PDZRN3: variants seen among roughly 807,000 people sequenced by gnomAD.
PDZRN3 encodes the protein PDZ domain containing ring finger 3, also known as E3 ubiquitin-protein ligase PDZRN3.
In PDZRN3, 38 loss-of-function variants were observed where a neutral mutation model predicts 85.7. The observed-to-expected ratio is 0.44, with a 90% CI of 0.34 to 0.58. PDZRN3 has a LOEUF of 0.58. PDZRN3 is among the 20% of genes least tolerant of loss of function. The pLI is 0.01. For missense variants in PDZRN3, 1,629 were observed against 1,506.4 expected (o/e 1.08, Z -1.35); for synonymous variants, 759 against 638.0 (o/e 1.19, Z -2.86).
intron 3 of PDZRN3, among the ~76,000 whole-genome samples, chr3:73,435,872 T>G (rs923441598): frequency 1.3e-5 from 2 of 152,314 alleles, no homozygotes; most frequent in Admixed American, 1.3e-4. Flanking sequence ...ACTCTTGGAT[T>G]GAAACCCAAA....
intron 3 of PDZRN3, among the ~76,000 whole-genome samples, chr3:73,430,137 T>C (rs1702401900): frequency 6.6e-6 from 1 of 152,234 alleles, no homozygotes; most frequent in African/African-American, 2.4e-5. Flanking sequence ...ATAATTCCTT[T>C]GTATGTCAGT....
intron 3 of PDZRN3, among the ~76,000 whole-genome samples, chr3:73,480,325 T>C (rs1307196951): frequency 6.6e-6 from 1 of 152,108 alleles, no homozygotes; most frequent in African/African-American, 2.4e-5. Flanking sequence ...TTTTAACACC[T>C]CCCTTGACCC....
chr3:73,464,727 T>C (rs1052879048), intron 3 of PDZRN3, among the ~76,000 whole-genome samples: 1 of 152,222 alleles, frequency 6.6e-6, no homozygotes, highest in African/African-American at 2.4e-5. Flanking sequence ...ACCTAGATTC[T>C]GCTCTAAATT....
At chr3:73,446,773 C>A (rs762053088) in intron 3 of PDZRN3, among the ~76,000 whole-genome samples, 2 of 151,944 alleles carry the variant, frequency 1.3e-5, no homozygotes, top group Admixed American at 6.6e-5. Flanking sequence ...CACAGAATGG[C>A]GAATTGAGGA....
At chr3:73,575,665 T>G (rs1353543990) in intron 3 of PDZRN3, among the ~76,000 whole-genome samples, 1 of 152,206 alleles carries the variant, frequency 6.6e-6, no homozygotes, top group Admixed American at 6.5e-5. Context: ...AGAAAGAACC[T>G]GCATTGTGTT....
At chr3:73,547,084 C>T (rs1575727068) in intron 3 of PDZRN3, among the ~76,000 whole-genome samples, 1 of 152,142 alleles carries the variant, frequency 6.6e-6, no homozygotes, top group Non-Finnish European at 1.5e-5. Context: ...ATTCCTTCCA[C>T]CCCACTCACG....
intron 3 of PDZRN3, among the ~76,000 whole-genome samples, chr3:73,571,666 G>A (rs1036284550): frequency 1.3e-5 from 2 of 152,176 alleles, no homozygotes; most frequent in African/African-American, 2.4e-5. Flanking sequence ...AGCTGCCGGG[G>A]TGAGAGTCCT....
intron 9 of PDZRN3, among the ~76,000 whole-genome samples, chr3:73,385,164 A>AT: frequency 6.6e-6 from 1 of 152,226 alleles, no homozygotes; most frequent in South Asian, 2.1e-4. Context: ...AAATGAGGAT[A>AT]ATAGTCACTT....
chr3:73,403,646 T>A (rs1559659443), intron 4 of PDZRN3, among the ~76,000 whole-genome samples: 1 of 152,180 alleles, frequency 6.6e-6, no homozygotes, highest in Non-Finnish European at 1.5e-5. Context: ...CCATGTGGCG[T>A]GCTGAGTTGC....
intron 8 of PDZRN3, among the ~76,000 whole-genome samples, chr3:73,386,901 T>A (rs1701406329): frequency 6.6e-6 from 1 of 152,204 alleles, no homozygotes; most frequent in South Asian, 2.1e-4. Context: ...GGTTTGGCTG[T>A]CCCCACCCAA....
At chr3:73,503,188 G>C (rs770569351) in intron 3 of PDZRN3, among the ~76,000 whole-genome samples, 5 of 152,164 alleles carry the variant, frequency 3.3e-5, no homozygotes, top group Non-Finnish European at 7.4e-5. Flanking sequence ...AATTAAACTA[G>C]TTTTAGATAC....
intron 3 of PDZRN3, among the ~76,000 whole-genome samples, chr3:73,546,040 T>G (rs1701415658): frequency 6.6e-6 from 1 of 152,198 alleles, no homozygotes; most frequent in African/African-American, 2.4e-5. Flanking sequence ...AGGGGCCTCC[T>G]GTGTCTTGGA....
At chr3:73,546,351 A>G (rs895635688) in intron 3 of PDZRN3, among the ~76,000 whole-genome samples, 6 of 152,246 alleles carry the variant, frequency 3.9e-5, no homozygotes, top group Non-Finnish European at 8.8e-5. Flanking sequence ...TCACCACCAC[A>G]TTGCATCAAA....
chr3:73,404,972 T>C (rs1042703280), intron 3 of PDZRN3, among the ~76,000 whole-genome samples: 1 of 152,232 alleles, frequency 6.6e-6, no homozygotes, highest in Admixed American at 6.5e-5. Context: ...AAGTGACCGC[T>C]GGCTTAATTG....
intron 3 of PDZRN3, among the ~76,000 whole-genome samples, chr3:73,467,023 C>A (rs1311828535): frequency 6.6e-6 from 1 of 152,134 alleles, no homozygotes; most frequent in Non-Finnish European, 1.5e-5. Flanking sequence ...TGCTAAGATA[C>A]CCCCAGTTTA....
chr3:73,491,868 T>G (rs1017205274), intron 3 of PDZRN3, among the ~76,000 whole-genome samples: 1 of 152,048 alleles, frequency 6.6e-6, no homozygotes, highest in Non-Finnish European at 1.5e-5. Flanking sequence ...TCCAAAGCAT[T>G]GGGATTACAG....
At chr3:73,620,593 T>TTC (rs1702842732) in intron 1 of PDZRN3, among the ~76,000 whole-genome samples, 12 of 151,080 alleles carry the variant, frequency 7.9e-5, no homozygotes, top group Admixed American at 7.9e-4. Context: ...TTTTTTTTTT[T>TTC]TGAGACGGAG....
At chr3:73,448,271 G>A (rs576161716) in intron 3 of PDZRN3, among the ~76,000 whole-genome samples, 2 of 152,332 alleles carry the variant, frequency 1.3e-5, no homozygotes, top group Admixed American at 6.5e-5. Flanking sequence ...AACCACCTAC[G>A]ATTGTTGTGA....
intron 3 of PDZRN3, among the ~76,000 whole-genome samples, chr3:73,410,537 C>T (rs897823360): frequency 1.3e-5 from 2 of 152,130 alleles, no homozygotes; most frequent in Non-Finnish European, 2.9e-5. Flanking sequence ...ACCATCAGAT[C>T]CCCTCCTTAC....
Sources: allele counts gnomAD v4.1 joint callset (sites outside exome capture counted in the v4.1 genomes callset), GRCh38; gene constraint gnomAD v4.1.1; transcripts MANE v1.5; gene names NCBI Gene and HGNC (gene_info 2026-07-23, HGNC 2026-07-21).